Variants in TNR observed in about 807,000 individuals in gnomAD.
TNR encodes tenascin R, also known as tenascin-R.
A neutral mutation model predicts 150.4 loss-of-function variants in TNR; 45 were observed. The ratio of observed to expected loss-of-function variants is 0.30; its 90% CI spans 0.24 to 0.38. TNR has a LOEUF of 0.38. Ranked by LOEUF, TNR falls within the 10% of genes least tolerant of loss-of-function variation. The pLI, the probability that TNR is intolerant of heterozygous loss-of-function variation, is 1.00. For synonymous variants in TNR, 687 were observed against 678.4 expected, an observed-to-expected ratio of 1.01 and a Z score of -0.20; for missense variants, 1,544 against 1,759.1, an observed-to-expected ratio of 0.88 and a Z score of 2.19.
chr1:175,500,255 A>G (rs796341865), intron 2 of TNR, among the ~76,000 whole-genome samples: 7 of 152,266 alleles, frequency 4.6e-5, no homozygotes, highest in African/African-American at 1.7e-4. Flanking sequence ...GGGAATGAAT[A>G]TTGAGCCCAG....
chr1:175,614,731 T>C lies in TNR; in HGVS notation c.-164-86362A>G, dbSNP rs566660008. On this transcript the variant is annotated intron_variant, in intron 1 of 22. Coordinates refer to ENST00000367674, the MANE Select transcript of TNR (RefSeq NM_003285.3). Reference sequence around the variant, plus strand: ...CGTGTTCCTCTCCAAACACTCCTCCTTGGTATTTACAGCTTCTTGGAAGGG... The same window carrying C: ...CGTGTTCCTCTCCAAACACTCCTCCCTGGTATTTACAGCTTCTTGGAAGGG... Among the ~76,000 whole-genome samples the C allele has an allele frequency of 2.4e-4, 37 of 152,322 alleles. 1 individual carries two copies. The highest frequency in any genetic ancestry group is 2.4e-3 in the Admixed American group (36 of 15,300).
intron 1 of TNR, among the ~76,000 whole-genome samples, chr1:175,671,668 T>G (rs1341542916): frequency 6.6e-6 from 1 of 152,248 alleles, no homozygotes; most frequent in Non-Finnish European, 1.5e-5. Flanking sequence ...GATACACTTA[T>G]ACTTAAAAAG....
chr1:175,442,522 A>G (rs971260621), intron 2 of TNR, among the ~76,000 whole-genome samples: 4 of 151,722 alleles, frequency 2.6e-5, no homozygotes, highest in African/African-American at 4.9e-5. Flanking sequence ...AGGTGGTCTC[A>G]AGGCCAACTC....
At chr1:175,595,858 T>C (rs963975248) in intron 1 of TNR, among the ~76,000 whole-genome samples, 2 of 152,232 alleles carry the variant, frequency 1.3e-5, no homozygotes, top group Admixed American at 6.5e-5. Flanking sequence ...TTCTCTCATT[T>C]ATTACTCATA....
chr1:175,488,882 G>A (rs859418), intron 2 of TNR, among the ~76,000 whole-genome samples: 2,232 of 152,282 alleles, frequency 0.015, 57 homozygotes, highest in African/African-American at 0.05. Flanking sequence ...CCTGCACTTT[G>A]AGAAAAGGTC....
In TNR at chr1:175,495,880, T is replaced by C. The variant is rs1658466985; in HGVS notation, c.-64+32389A>G. 5.9e-5 allele frequency among the ~76,000 whole-genome samples: 9 copies of C among 152,344 alleles called. No homozygotes were observed. In the South Asian group the frequency reaches 1.9e-3, roughly 32 times the overall value. On this transcript the variant is annotated intron_variant, in intron 2 of 22. Coordinates refer to ENST00000367674, the MANE Select transcript of TNR (RefSeq NM_003285.3). ...CTCAAACTGTATCTTTTCGAATTCA[T>C]TCAGGAGGCGGAGCAGAATTCAGAA...
chr1:175,704,598 C>G (rs1019813771), intron 1 of TNR, among the ~76,000 whole-genome samples: 1 of 152,194 alleles, frequency 6.6e-6, no homozygotes, highest in Non-Finnish European at 1.5e-5. Flanking sequence ...CAACAGCCCT[C>G]CAGAGATGCT....
chr1:175,493,079 C>T (rs1418863313), intron 2 of TNR, among the ~76,000 whole-genome samples: 2 of 152,012 alleles, frequency 1.3e-5, no homozygotes, highest in East Asian at 3.9e-4. Context: ...CTGCTGTACC[C>T]GTCAGAAGGC....
intron 2 of TNR, among the ~76,000 whole-genome samples, chr1:175,521,557 T>G (rs140272701): frequency 1.3e-5 from 2 of 152,246 alleles, no homozygotes; most frequent in African/African-American, 4.8e-5. Flanking sequence ...TTGGCACAGG[T>G]GCCCAGGGAG....
At chr1:175,626,659 A>C (rs935572441) in intron 1 of TNR, among the ~76,000 whole-genome samples, 1 of 152,210 alleles carries the variant, frequency 6.6e-6, no homozygotes, top group Non-Finnish European at 1.5e-5. Context: ...GTATTTATAC[A>C]TATGTCTTAT....
intron 2 of TNR, among the ~76,000 whole-genome samples, chr1:175,457,183 T>C (rs1656605457): frequency 1.3e-5 from 2 of 152,168 alleles, no homozygotes; most frequent in Admixed American, 6.5e-5. Context: ...TTTTAACACT[T>C]GGGTAGAACA....
chr1:175,534,844 T>C (rs995183515), intron 1 of TNR, among the ~76,000 whole-genome samples: 6 of 152,184 alleles, frequency 3.9e-5, no homozygotes, highest in Non-Finnish European at 8.8e-5. Context: ...GTGGAGATAA[T>C]TGATTCATGG....
intron 2 of TNR, among the ~76,000 whole-genome samples, chr1:175,522,717 G>GC (rs199677585): frequency 0.012 from 1,831 of 152,096 alleles, 34 homozygotes; most frequent in African/African-American, 0.039. Context: ...GTAAAAAGAT[G>GC]CCCCCCCACA....
chr1:175,374,799 C>T (rs903224661), intron 9 of TNR, among the ~76,000 whole-genome samples: 8 of 152,186 alleles, frequency 5.3e-5, no homozygotes, highest in Admixed American at 1.3e-4. Context: ...GTGCGATGAA[C>T]GGGCCCTGGG....
rs114725182 is a variant in TNR, at chr1:175,681,556, C to T, written c.-165+61670G>A. 6.5e-3 allele frequency among the ~76,000 whole-genome samples: 994 copies of T among 152,272 alleles called. 11 individuals are homozygous for T. Among genetic ancestry groups the T allele is most frequent in the African/African-American group, 0.021 (853 of 41,534 alleles). On this transcript the variant is annotated intron_variant, in intron 1 of 22. Coordinates refer to ENST00000367674, the MANE Select transcript of TNR (RefSeq NM_003285.3). ...CAGGAAGAGAAAGTTAGATTAAATC[C>T]GCCATCTCTCACTCAGCATGCTCCT...
intron 2 of TNR, among the ~76,000 whole-genome samples, chr1:175,461,665 G>A (rs1462057358): frequency 1.3e-5 from 2 of 152,144 alleles, no homozygotes; most frequent in Non-Finnish European, 2.9e-5. Flanking sequence ...ATTTTCAGGT[G>A]TTTACTGCTT....
At chr1:175,696,219 T>TA (rs1558077737) in intron 1 of TNR, among the ~76,000 whole-genome samples, 2 of 42,098 alleles carry the variant, frequency 4.8e-5, no homozygotes, top group African/African-American at 8.9e-5. Context: ...TTCCTGTAGT[T>TA]TTTTTTTTTT....
chr1:175,334,796 G>A (rs1263196922), intron 20 of TNR, among the ~76,000 whole-genome samples: 1 of 152,216 alleles, frequency 6.6e-6, no homozygotes, highest in African/African-American at 2.4e-5. Flanking sequence ...AATAACTCCA[G>A]TCCTTCCACT....
In TNR at chr1:175,695,659, CTTAT is replaced by C. The variant is rs1248587809; in HGVS notation, c.-165+47563_-165+47566del. On this transcript the variant is annotated intron_variant, in intron 1 of 22. Transcript: ENST00000367674. ...TCTAGAATGTACCCCTACATTCTTC[CTTAT>C]TTGAGTCCTACTCATTGTCTTGATC... Among the ~76,000 whole-genome samples, 12 of 152,266 alleles carry C rather than the reference CTTAT, an allele frequency of 7.9e-5. No homozygotes were observed. The South Asian group carries it at 1.7e-3, about 21-fold the overall frequency.
Sources: allele counts gnomAD v4.1 joint callset (sites outside exome capture counted in the v4.1 genomes callset), GRCh38; gene constraint gnomAD v4.1.1; transcripts MANE v1.5; gene names NCBI Gene and HGNC (gene_info 2026-07-23, HGNC 2026-07-21).